BEST3: variants seen among roughly 807,000 people sequenced by gnomAD.
BEST3 encodes the protein bestrophin-3.
Under a neutral mutation model 47.1 loss-of-function variants are expected in BEST3, and 50 were observed. The ratio of observed to expected loss-of-function variants is 1.06; its 90% CI spans 0.85 to 1.34. The LOEUF (loss-of-function observed/expected upper bound fraction) is 1.34. Among genes scored for constraint, BEST3 ranks in the 40% most tolerant of loss-of-function variants. The pLI is 0.00. For synonymous variants in BEST3, 282 were observed against 298.8 expected, an observed-to-expected ratio of 0.94 and a Z score of 0.58; for missense variants, 765 against 817.0, an observed-to-expected ratio of 0.94 and a Z score of 0.78.
chr12:69,691,096 G>T (rs1885906590), intron 4 of BEST3, among the ~76,000 whole-genome samples: 1 of 152,048 alleles, frequency 6.6e-6, no homozygotes, highest in African/African-American at 2.4e-5. Flanking sequence ...AGATAAAAAA[G>T]ACCTGGGATA....
intron 4 of BEST3, among the ~76,000 whole-genome samples, chr12:69,682,075 C>G (rs1311696389): frequency 1.4e-5 from 1 of 69,368 alleles, no homozygotes; most frequent in Admixed American, 2.1e-4. Context: ...GAGTGAGACT[C>G]CGTCTCAAAA....
At position 69,699,255 on chromosome 12, in the gene BEST3, G is replaced by A. The variant is rs17813623; in HGVS notation, c.-66C>T. 8.1e-6 allele frequency: 8 copies of A among 985,130 alleles called. No individual in the cohort carries two copies. Among genetic ancestry groups the A allele is most frequent in the Admixed American group, 6.2e-5 (1 of 16,256 alleles). The allele number at this position is 985,130 out of a possible 1,614,324, so 61.0% of individuals were successfully genotyped here. On this transcript the variant is annotated 5_prime_UTR_variant, in exon 1 of 10. Transcript: ENST00000330891. ...ACAGGAAAGAGAATCTTCAAATTTC[G>A]GGCTCCCCCGAAGAGGTGCCTTCAG... is the stretch of plus-strand genomic sequence containing the variant.
At chr12:69,659,840 A>T (rs1401167831) in intron 9 of BEST3, among the ~76,000 whole-genome samples, 2 of 152,194 alleles carry the variant, frequency 1.3e-5, no homozygotes, top group Admixed American at 1.3e-4. Context: ...ACGATAGAAT[A>T]AAAGTACCCT....
chr12:69,689,310 C>T (rs911805445), intron 4 of BEST3: 22 of 976,276 alleles, frequency 2.3e-5, no homozygotes, highest in Middle Eastern at 5.3e-4. Flanking sequence ...AGTGAGTCAG[C>T]GCTGCCGGTG....
At chr12:69,675,679 T>C (rs1414143206) in intron 7 of BEST3, among the ~76,000 whole-genome samples, 1 of 152,266 alleles carries the variant, frequency 6.6e-6, no homozygotes, top group Non-Finnish European at 1.5e-5. Flanking sequence ...CTCTTCTGCT[T>C]TCTTGCTCTT....
In BEST3 at chr12:69,677,085, C is replaced by A; in HGVS notation, c.715-17G>T. Reference sequence around the variant, plus strand: ...AGTGACAACCTGGAACAGAGAGAGACCAGAGTGAGGGGACAGTGCTGGCCT... The same window carrying A: ...AGTGACAACCTGGAACAGAGAGAGAACAGAGTGAGGGGACAGTGCTGGCCT... On this transcript the variant is annotated splice_polypyrimidine_tract_variant and intron_variant, in intron 6 of 9. Coordinates refer to ENST00000330891, the MANE Select transcript of BEST3 (RefSeq NM_032735.3). The A allele has an allele frequency of 6.2e-7, 1 of 1,614,080 alleles. No individual in the cohort carries two copies. Among genetic ancestry groups the A allele is most frequent in the Non-Finnish European group, 8.5e-7 (1 of 1,179,986 alleles).
At chr12:69,682,081 CAAAAAAAAA>C (rs35331064) in intron 4 of BEST3, among the ~76,000 whole-genome samples, 6 of 102,322 alleles carry the variant, frequency 5.9e-5, no homozygotes, top group African/African-American at 2.0e-4. Flanking sequence ...GACTCCGTCT[CAAAAAAAAA>C]AAAAAAAAGA....
At chr12:69,685,143 T>C (rs1321388723) in intron 4 of BEST3, among the ~76,000 whole-genome samples, 1 of 152,110 alleles carries the variant, frequency 6.6e-6, no homozygotes, top group Non-Finnish European at 1.5e-5. Flanking sequence ...TGAAATAGGC[T>C]ACGGTGGAGT....
At chr12:69,670,209 TACA>T (rs1430217135) in intron 9 of BEST3, 1 of 458,620 alleles carries the variant, frequency 2.2e-6, no homozygotes, top group South Asian at 3.5e-5. Flanking sequence ...GAGACATGCA[TACA>T]ACAAGAGATT....
chr12:69,645,577 T>C (rs1883006219), intron 9 of BEST3, among the ~76,000 whole-genome samples: 1 of 152,228 alleles, frequency 6.6e-6, no homozygotes, highest in South Asian at 2.1e-4. Flanking sequence ...CCTAGTTAAC[T>C]GTTACAGATG....
intron 7 of BEST3, among the ~76,000 whole-genome samples, chr12:69,676,480 G>T (rs1332900380): frequency 6.6e-6 from 1 of 151,440 alleles, no homozygotes; most frequent in Non-Finnish European, 1.5e-5. Context: ...CAGAATTTCA[G>T]GGAATTGCAA....
intron 5 of BEST3, among the ~76,000 whole-genome samples, chr12:69,677,697 C>T (rs907435570): frequency 6.6e-6 from 1 of 152,138 alleles, no homozygotes; most frequent in Non-Finnish European, 1.5e-5. Flanking sequence ...GGGAGAATCA[C>T]TTGAGTACAA....
Position 69,697,600 on chromosome 12 carries a change from T to C in BEST3, c.152+47A>G, listed in dbSNP as rs370297028. The C allele has an allele frequency of 4.8e-6, 7 of 1,456,784 alleles. No homozygotes were observed. In the African/African-American group the frequency reaches 8.7e-5, roughly 18 times the overall value. 90.2% of individuals were successfully genotyped at this position (1,456,784 alleles called of 1,614,324 possible). A position where few individuals can be genotyped will look rare whatever the true frequency, so the allele number is the denominator to read the frequency against. On this transcript the variant is annotated intron_variant, in intron 2 of 9. Coordinates refer to ENST00000330891, the MANE Select transcript of BEST3 (RefSeq NM_032735.3). Reference sequence around the variant, plus strand: ...GGTTCAGATTTTTGAGACTGTATCTTACACAATATCTGATGGCCATTTAAG... The same window carrying C: ...GGTTCAGATTTTTGAGACTGTATCTCACACAATATCTGATGGCCATTTAAG...
At chr12:69,679,746 A>G (rs1885128159) in intron 4 of BEST3, among the ~76,000 whole-genome samples, 1 of 152,220 alleles carries the variant, frequency 6.6e-6, no homozygotes, top group Non-Finnish European at 1.5e-5. Context: ...CTGTAATCCC[A>G]GCTGCTGGGG....
intron 4 of BEST3, among the ~76,000 whole-genome samples, chr12:69,690,845 C>CA (rs1477260391): frequency 1.1e-4 from 16 of 152,092 alleles, no homozygotes; most frequent in Admixed American, 1.0e-3. Flanking sequence ...CATTCTGAAA[C>CA]AGTATTCTAC....
intron 7 of BEST3, among the ~76,000 whole-genome samples, chr12:69,673,507 G>A (rs538657765): frequency 2.0e-5 from 3 of 152,070 alleles, no homozygotes; most frequent in Admixed American, 6.5e-5. Context: ...GCATAATCTC[G>A]GCTCACTGCA....
intron 9 of BEST3, chr12:69,660,539 A>G (rs1482805112): frequency 2.0e-5 from 3 of 152,198 alleles, no homozygotes; most frequent in Non-Finnish European, 2.9e-5. Flanking sequence ...GTCTGCTCCA[A>G]TGGTGAAAAT....
Position 69,677,323 on chromosome 12 carries a change from G to A in BEST3, c.637-66C>T. 14 of 1,359,232 alleles carry A rather than the reference G, an allele frequency of 1.0e-5. No individual in the cohort carries two copies. In the South Asian group the frequency reaches 1.6e-4, roughly 16 times the overall value. 84.2% of individuals were successfully genotyped at this position (1,359,232 alleles called of 1,614,324 possible). On this transcript the variant is annotated intron_variant, in intron 5 of 9. Coordinates refer to ENST00000330891, the MANE Select transcript of BEST3 (RefSeq NM_032735.3). ...GGGTGTGGTAATAAGTACTTACTGGGACTCAGAATGTGAGCATGTCTTTTA... is the reference window on the plus strand; with the variant it reads ...GGGTGTGGTAATAAGTACTTACTGGAACTCAGAATGTGAGCATGTCTTTTA...
chr12:69,675,354 A>G (rs1884848818), intron 7 of BEST3, among the ~76,000 whole-genome samples: 2 of 149,140 alleles, frequency 1.3e-5, no homozygotes, highest in South Asian at 4.2e-4. Context: ...ACTCCTGAGC[A>G]GTCCTCCTAC....
Sources: gnomAD v4.1 joint callset for allele counts (sites outside exome capture counted in the v4.1 genomes callset) on GRCh38, gnomAD v4.1.1 for gene constraint, MANE v1.5 for transcripts, NCBI Gene and HGNC (gene_info 2026-07-23, HGNC 2026-07-21) for gene names.